The following MOK variants were observed in gnomAD, a reference collection of about 807,000 sequenced individuals.
MOK encodes the protein MOK protein kinase.
A neutral mutation model predicts 54.2 loss-of-function variants in MOK; 59 were observed. That is an observed-to-expected ratio of 1.09 (90% CI 0.88 to 1.35). MOK has a LOEUF of 1.35. Among genes scored for constraint, MOK ranks in the 40% most tolerant of loss-of-function variants. The probability of loss-of-function intolerance (pLI) is 0.00; values close to 1 mark genes in which losing one functional copy is unlikely to be tolerated. For synonymous variants in MOK, 210 were observed against 202.7 expected (o/e 1.04, Z -0.31); for missense variants, 517 against 526.2 (o/e 0.98, Z 0.17).
Position 102,231,621 on chromosome 14 carries a change from C to A in MOK, c.981+86G>T. ...GGTCTGCCACAGCCTCCACAGGTGG[C>A]GTCCTCCTGAGAGAGACACAGGCCA... On this transcript the variant is annotated intron_variant, in intron 10 of 11. Transcript: ENST00000361847. This position sits in a 1 kb window ranked among gnomAD's most constrained non-coding sequence, Gnocchi z 4.4. 1 of 1,157,984 alleles carries A rather than the reference C, an allele frequency of 8.6e-7. No individual in the cohort carries two copies. The highest frequency in any genetic ancestry group is 1.3e-6 in the Non-Finnish European group (1 of 784,554). The allele number at this position is 1,157,984 out of a possible 1,614,324, so 71.7% of individuals were successfully genotyped here.
At chr14:102,227,955 CTT>C (rs751479269), downstream of MOK, among the ~76,000 whole-genome samples, 4 of 152,312 alleles carry the variant, frequency 2.6e-5, no homozygotes, top group South Asian at 6.2e-4. Context: ...AAAAATATCT[CTT>C]TAAGTTTGGG....
rs35083800 is a variant in MOK, at chr14:102,289,251, G to GA, written c.8-5660dup. 8.0e-3 allele frequency among the ~76,000 whole-genome samples: 1,142 copies of GA among 142,220 alleles called. 13 individuals carry two copies. The highest frequency in any genetic ancestry group is 0.025 in the African/African-American group (963 of 38,836). 93.3% of individuals were successfully genotyped at this position (142,220 alleles called of 152,430 possible). A position where few individuals can be genotyped will look rare whatever the true frequency, so the allele number is the denominator to read the frequency against. On this transcript the variant is annotated intron_variant, in intron 1 of 11. Transcript: ENST00000361847. Reference sequence around the variant, plus strand: ...TATGTTATACTCCAAAATAAAATCAGAAAAAAAAAACAGAGTTAGGAATAA... The same window carrying GA: ...TATGTTATACTCCAAAATAAAATCAGAAAAAAAAAAACAGAGTTAGGAATAA...
chr14:102,275,551 G>T (rs1443668617), intron 2 of MOK, among the ~76,000 whole-genome samples: 3 of 129,044 alleles, frequency 2.3e-5, no homozygotes, highest in African/African-American at 9.7e-5. Flanking sequence ...GTGACAGAGC[G>T]AGACTCCATC....
At chr14:102,300,323 CAAAAAAAAAA>C (rs71468398) in intron 1 of MOK, among the ~76,000 whole-genome samples, 2 of 38,480 alleles carry the variant, frequency 5.2e-5, no homozygotes, top group Non-Finnish European at 1.1e-4. Flanking sequence ...AACTCTATCT[CAAAAAAAAAA>C]AAAAAAAAAA....
chr14:102,248,792 A>AAC (rs1328528568), intron 7 of MOK, among the ~76,000 whole-genome samples: 202 of 151,588 alleles, frequency 1.3e-3, no homozygotes, highest in African/African-American at 4.6e-3. Context: ...AAAAAAAAAA[A>AAC]AAAAACCAAC....
At position 102,273,283 on chromosome 14, in the gene MOK, A is replaced by AC. The variant is rs571455124; in HGVS notation, c.123-7372_123-7371insG. ...AAGCAACCAAAACATACTAGAACAA[A>AC]AAAAAAAAAAAAATAAGTGAATCCT... On this transcript the variant is annotated intron_variant, in intron 2 of 11. Coordinates refer to ENST00000361847, the MANE Select transcript of MOK (RefSeq NM_014226.3). 4.7e-3 allele frequency among the ~76,000 whole-genome samples: 694 copies of AC among 148,252 alleles called. 6 individuals carry two copies. The highest frequency in any genetic ancestry group is 0.016 in the African/African-American group (644 of 39,098).
At chr14:102,247,812 A>G (rs2066207101) in intron 7 of MOK, among the ~76,000 whole-genome samples, 1 of 152,248 alleles carries the variant, frequency 6.6e-6, no homozygotes, top group Non-Finnish European at 1.5e-5. Flanking sequence ...TAAAGGACCG[A>G]GCACAAAAAA....
Position 102,240,105 on chromosome 14 carries a change from C to T in MOK, c.591-6316G>A, listed in dbSNP as rs1227760398. 6.6e-6 allele frequency among the ~76,000 whole-genome samples: 1 copy of T among 151,930 alleles called. No individual in the cohort carries two copies. Among genetic ancestry groups the T allele is most frequent in the Non-Finnish European group, 1.5e-5 (1 of 67,924 alleles). On this transcript the variant is annotated intron_variant, in intron 7 of 11. Coordinates refer to ENST00000361847, the MANE Select transcript of MOK (RefSeq NM_014226.3). The surrounding 1 kb of genome is among the most constrained non-coding windows in gnomAD (Gnocchi z 5.4). Reference sequence around the variant, plus strand: ...TTCTCCTGGCTCAGAAGCTTCCACACTGAGCACCTTGTGATCCCCTAGCCC... The same window carrying T: ...TTCTCCTGGCTCAGAAGCTTCCACATTGAGCACCTTGTGATCCCCTAGCCC...
intron 4 of MOK, among the ~76,000 whole-genome samples, chr14:102,256,175 C>A (rs887624228): frequency 7.2e-5 from 11 of 151,824 alleles, no homozygotes; most frequent in Non-Finnish European, 1.2e-4. Flanking sequence ...CAGCTCATTG[C>A]AGCCTCGACC....
At chr14:102,290,534 T>C (rs1705919373) in intron 1 of MOK, among the ~76,000 whole-genome samples, 1 of 152,062 alleles carries the variant, frequency 6.6e-6, no homozygotes, top group Non-Finnish European at 1.5e-5. Flanking sequence ...AATTTGTGTA[T>C]AAGTAAATCG....
chr14:102,218,001 G>A, the MOK span, among the ~76,000 whole-genome samples: 1 of 152,214 alleles, frequency 6.6e-6, no homozygotes, highest in Non-Finnish European at 1.5e-5. Flanking sequence ...TCTGGGGGAC[G>A]CCAGTGGAGG....
the MOK span, among the ~76,000 whole-genome samples, chr14:102,218,051 CG>C: frequency 6.6e-6 from 1 of 152,304 alleles, no homozygotes; most frequent in Non-Finnish European, 1.5e-5. Context: ...ACCAAGCTCC[CG>C]GATGTTGTGG....
At chr14:102,219,341 C>T in the MOK span, among the ~76,000 whole-genome samples, 4 of 152,242 alleles carry the variant, frequency 2.6e-5, no homozygotes, top group Admixed American at 6.5e-5. Flanking sequence ...TCCAGTGACT[C>T]GCACAAGTCC....
chr14:102,265,071 A>G (rs2067790150), intron 3 of MOK, among the ~76,000 whole-genome samples: 1 of 152,242 alleles, frequency 6.6e-6, no homozygotes. Context: ...AAACTATTCT[A>G]TAATTAGAAC....
chr14:102,247,547 A>G (rs1256650036), intron 7 of MOK: 1 of 152,226 alleles, frequency 6.6e-6, no homozygotes, highest in African/African-American at 2.4e-5. Context: ...GGTGGAACTG[A>G]GACTGCGGGA....
chr14:102,305,105 G>C lies in MOK; in HGVS notation c.-137C>G. On this transcript the variant is annotated 5_prime_UTR_variant, in exon 1 of 12. Transcript: ENST00000361847. ...ATCTCCGTGGTGGTCCCTCGAAGGA[G>C]AGCGTTAGAGATCCCGCCGCCATGT... 1 of 1,015,508 alleles carries C rather than the reference G, an allele frequency of 9.8e-7. No individual in the cohort carries two copies. The allele number at this position is 1,015,508 out of a possible 1,614,324, so 62.9% of individuals were successfully genotyped here.
chr14:102,271,533 C>T (rs2068361362), intron 2 of MOK, among the ~76,000 whole-genome samples: 1 of 152,138 alleles, frequency 6.6e-6, no homozygotes, highest in Admixed American at 6.6e-5. Flanking sequence ...TTCTGTTAGA[C>T]CTGAAAACCT....
intron 2 of MOK, among the ~76,000 whole-genome samples, chr14:102,270,353 G>A (rs1276502981): frequency 1.3e-5 from 2 of 152,156 alleles, no homozygotes; most frequent in African/African-American, 2.4e-5. Flanking sequence ...TGTAATCCCA[G>A]CACTTTGGGA....
intron 7 of MOK, chr14:102,246,312 G>A (rs2066088171): frequency 6.6e-6 from 1 of 152,042 alleles, no homozygotes; most frequent in Non-Finnish European, 1.5e-5. Flanking sequence ...TTTTTCAAGT[G>A]GATAATCGAC....
Sources: allele counts gnomAD v4.1 joint callset (sites outside exome capture counted in the v4.1 genomes callset), GRCh38; gene constraint gnomAD v4.1.1; non-coding constraint Gnocchi (gnomAD v3.1); transcripts MANE v1.5; gene names NCBI Gene and HGNC (gene_info 2026-07-23, HGNC 2026-07-21).